The following CDCP2 variants were observed in gnomAD, a reference collection of about 807,000 sequenced individuals.
CDCP2 encodes the protein CUB domain containing protein 2.
Under a neutral mutation model 31.0 loss-of-function variants are expected in CDCP2, and 31 were observed. The ratio of observed to expected loss-of-function variants is 1.00; its 90% CI spans 0.75 to 1.35. CDCP2 has a LOEUF of 1.35. Among genes scored for constraint, CDCP2 ranks in the 40% most tolerant of loss-of-function variants. CDCP2 has a pLI of 0.00. For missense variants in CDCP2, 443 were observed against 482.6 expected (o/e 0.92, Z 0.77); for synonymous variants, 206 against 207.9 (o/e 0.99, Z 0.08).
At chr1:54,141,031 G>T in intron 3 of CDCP2, 67 bp downstream of exon 3, 1 of 1,345,104 alleles carries the variant, frequency 7.4e-7, no homozygotes, top group Non-Finnish European at 1.0e-6. Context: ...ACCCCTGCAA[G>T]TGTAATGGGG....
exon 2 of CDCP2, chr1:54,144,734 G>A (rs781286759): frequency 1.9e-6 from 3 of 1,614,224 alleles, no homozygotes; most frequent in Middle Eastern, 3.3e-4. Context: ...TGCACTCTGT[G>A]TTGTAGGGGT....
At position 54,141,678 on chromosome 1, in the gene CDCP2, AT is replaced by A. The variant is rs1392506047; in HGVS notation, c.428-246del. 3 of 397,998 alleles carry A rather than the reference AT, an allele frequency of 7.5e-6. No homozygotes were observed. The East Asian group carries it at 1.1e-4, about 15-fold the overall frequency. 24.7% of individuals were successfully genotyped at this position (397,998 alleles called of 1,614,324 possible). The stretch of plus-strand genomic sequence containing the variant: ...CAAGGACTGTGCTGCAGTTTCTCTG[AT>A]TTTATAATTAAGAAAAGGGAGGCAA... On this transcript the variant is annotated intron_variant, in intron 2 of 5. Transcript: ENST00000530059.
At chr1:54,140,075 C>T (rs1659337288) in exon 4 of CDCP2, 1 of 1,613,480 alleles carries the variant, frequency 6.2e-7, no homozygotes, top group Non-Finnish European at 8.5e-7. Flanking sequence ...AGAAGTTGCC[C>T]CGCATGGCCA....
At chr1:54,145,340 C>A (rs550477253) in intron 1 of CDCP2, among the ~76,000 whole-genome samples, 5 of 152,114 alleles carry the variant, frequency 3.3e-5, no homozygotes, top group Non-Finnish European at 5.9e-5. Context: ...GCAGGAGAAT[C>A]GCTTGCACCC....
At chr1:54,139,921 C>G in exon 4 of CDCP2, 1 of 1,614,216 alleles carries the variant, frequency 6.2e-7, no homozygotes, top group Non-Finnish European at 8.5e-7. Flanking sequence ...GCCAGATGGT[C>G]AAAGTCACAG....
intron 5 of CDCP2, among the ~76,000 whole-genome samples, chr1:54,134,071 G>A (rs1161908569): frequency 6.6e-6 from 1 of 152,114 alleles, no homozygotes; most frequent in Non-Finnish European, 1.5e-5. Flanking sequence ...TCAAACAAAA[G>A]AATATAGAAC....
At chr1:54,150,958 G>A (rs1390864728) in intron 1 of CDCP2, among the ~76,000 whole-genome samples, 1 of 152,212 alleles carries the variant, frequency 6.6e-6, no homozygotes, top group Non-Finnish European at 1.5e-5. Context: ...GGGCCAGGGG[G>A]AGTCAGGCAA....
intron 1 of CDCP2, among the ~76,000 whole-genome samples, chr1:54,146,607 G>T (rs1659475600): frequency 6.6e-6 from 1 of 151,806 alleles, no homozygotes; most frequent in African/African-American, 2.4e-5. Flanking sequence ...TACCAAGAAG[G>T]CCTAGAATCC....
intron 5 of CDCP2, among the ~76,000 whole-genome samples, chr1:54,133,923 C>A (rs1402627439): frequency 6.8e-4 from 14 of 20,476 alleles, no homozygotes; most frequent in Non-Finnish European, 1.8e-3. Flanking sequence ...CAAAAAAAAC[C>A]CCATGTTACA....
chr1:54,136,887 C>G, intron 4 of CDCP2, 79 bp from the exon 5 acceptor site: 1 of 398,864 alleles, frequency 2.5e-6, no homozygotes, highest in Non-Finnish European at 4.4e-6. Flanking sequence ...CCTACCCTCC[C>G]ACAAAGGGTG....
At chr1:54,136,187 G>A (rs1341029921) in intron 5 of CDCP2, among the ~76,000 whole-genome samples, 1 of 152,192 alleles carries the variant, frequency 6.6e-6, no homozygotes, top group East Asian at 1.9e-4. Context: ...GAGAAGCAGG[G>A]CTCCCACACA....
At chr1:54,147,003 C>T (rs2100430542) in intron 1 of CDCP2, among the ~76,000 whole-genome samples, 1 of 132,716 alleles carries the variant, frequency 7.5e-6, no homozygotes, top group South Asian at 2.4e-4. Context: ...TTGAACTTAG[C>T]AGGTAGAGTT....
chr1:54,152,841 T>C lies in CDCP2; in HGVS notation c.79+3A>G. The stretch of plus-strand genomic sequence containing the variant: ...AGTTCATGTCTGTCCCAAGAGTGCC[T>C]ACCTTCCATGGCTTGGGCCTGGAGC... On this transcript the variant is annotated splice_donor_region_variant and intron_variant, in intron 1 of 5. Transcript: ENST00000530059. 2 of 1,614,036 alleles carry C rather than the reference T, an allele frequency of 1.2e-6. No individual in the cohort carries two copies. The highest frequency in any genetic ancestry group is 1.7e-6 in the Non-Finnish European group (2 of 1,179,890).
intron 2 of CDCP2, 25 bp downstream of exon 2, chr1:54,144,441 C>T: frequency 6.5e-7 from 1 of 1,540,890 alleles, no homozygotes; most frequent in Non-Finnish European, 8.8e-7. Flanking sequence ...GCCACTGCAA[C>T]AGGTCCCTAA....
rs1287047510 is a variant in CDCP2, at chr1:54,139,679, A to G, written c.1117+74T>C. 2.5e-6 allele frequency: 4 copies of G among 1,613,884 alleles called. No homozygotes were observed. The South Asian group carries it at 4.4e-5, about 18-fold the overall frequency. ...CAGGACAAACTGGTGGGATGGAGGA[A>G]GGAGACTGCAAAGACTGAGGCTGCA... On this transcript the variant is annotated intron_variant, in intron 4 of 5. Transcript: ENST00000530059.
chr1:54,146,044 T>TTAAAG (rs551552644), intron 1 of CDCP2, among the ~76,000 whole-genome samples: 49 of 152,276 alleles, frequency 3.2e-4, no homozygotes, highest in Middle Eastern at 3.4e-3. Flanking sequence ...CAACAACATC[T>TTAAAG]TAAAGTATAT....
chr1:54,148,980 TA>T (rs1336536044), intron 1 of CDCP2, among the ~76,000 whole-genome samples: 1 of 147,108 alleles, frequency 6.8e-6, no homozygotes, highest in East Asian at 1.9e-4. Flanking sequence ...AAAAAATATA[TA>T]TATATATAAT....
intron 5 of CDCP2, among the ~76,000 whole-genome samples, chr1:54,135,264 T>C (rs1659240244): frequency 6.6e-6 from 1 of 152,176 alleles, no homozygotes; most frequent in Admixed American, 6.5e-5. Context: ...CATGGGTTGC[T>C]GATGGCTGTG....
intron 1 of CDCP2, among the ~76,000 whole-genome samples, chr1:54,146,192 T>C (rs1659466289): frequency 6.6e-6 from 1 of 151,838 alleles, no homozygotes. Context: ...TTTTTTTTTT[T>C]TTTTTTACGT....
Sources: gnomAD v4.1 joint callset for allele counts (sites outside exome capture counted in the v4.1 genomes callset) on GRCh38, gnomAD v4.1.1 for gene constraint, MANE v1.5 for transcripts, NCBI Gene and HGNC (gene_info 2026-07-23, HGNC 2026-07-21) for gene names.